The following RBFOX1 variants were observed in gnomAD, a reference collection of about 807,000 sequenced individuals.
RBFOX1 encodes the protein RNA binding protein fox-1 homolog 1.
In RBFOX1, 8 loss-of-function variants were observed where a neutral mutation model predicts 57.7. That is an observed-to-expected ratio of 0.14 (90% confidence interval 0.08 to 0.25). The LOEUF is 0.25. RBFOX1 is among the 10% of genes least tolerant of loss of function. The pLI is 1.00. For synonymous variants in RBFOX1, 326 were observed against 222.4 expected, an observed-to-expected ratio of 1.47 and a Z score of -4.15; for missense variants, 611 against 548.5, an observed-to-expected ratio of 1.11 and a Z score of -1.14.
chr16:5,246,814 G>T (rs557359471), intron 1 of RBFOX1, among the ~76,000 whole-genome samples: 1 of 152,074 alleles, frequency 6.6e-6, no homozygotes, highest in African/African-American at 2.4e-5. Flanking sequence ...GGGAGTACAG[G>T]CATGCACCAC....
chr16:6,903,591 C>G (rs1388899233), intron 3 of RBFOX1, among the ~76,000 whole-genome samples: 2 of 152,164 alleles, frequency 1.3e-5, no homozygotes, highest in Non-Finnish European at 2.9e-5. Context: ...ATCCCAGAAA[C>G]TGGTGGGGAG....
chr16:6,596,277 G>C (rs1178296945), intron 2 of RBFOX1, among the ~76,000 whole-genome samples: 1 of 152,102 alleles, frequency 6.6e-6, no homozygotes, highest in Non-Finnish European at 1.5e-5. Context: ...TTCATTTTGA[G>C]TTAAATTTTG....
intron 2 of RBFOX1, among the ~76,000 whole-genome samples, chr16:6,514,889 G>A (rs1490196564): frequency 6.6e-6 from 1 of 152,072 alleles, no homozygotes; most frequent in Admixed American, 6.6e-5. Context: ...GGAGGAAGGG[G>A]AGGAGGAGAA....
At position 7,538,927 on chromosome 16, in the gene RBFOX1, A is replaced by G. The variant is rs147419595; in HGVS notation, c.270+20538A>G. Among the ~76,000 whole-genome samples, 163 of 150,388 alleles carry G rather than the reference A, an allele frequency of 1.1e-3. 1 individual carries two copies. The highest frequency in any genetic ancestry group is 3.9e-3 in the African/African-American group (158 of 40,740). ...CTCACAGCATGGAGTTCTATGGTCA[A>G]TGAGACTTTCATATGGGCATCATCT... On this transcript the variant is annotated intron_variant, in intron 5 of 15. Transcript: ENST00000550418.
intron 1 of RBFOX1, among the ~76,000 whole-genome samples, chr16:6,116,181 A>G (rs2096494119): frequency 6.6e-6 from 1 of 151,808 alleles, no homozygotes; most frequent in South Asian, 2.1e-4. Context: ...AGAAAACCGA[A>G]CACCGTATGT....
At chr16:5,280,065 C>A (rs998996232) in intron 1 of RBFOX1, among the ~76,000 whole-genome samples, 1 of 152,138 alleles carries the variant, frequency 6.6e-6, no homozygotes, top group African/African-American at 2.4e-5. Flanking sequence ...AGGATGTTAG[C>A]TGTAGATTTG....
chr16:7,101,187 C>G (rs2062628702), intron 4 of RBFOX1, among the ~76,000 whole-genome samples: 1 of 152,188 alleles, frequency 6.6e-6, no homozygotes, highest in Non-Finnish European at 1.5e-5. Context: ...GCAGGCAGAG[C>G]TGGCCTATGC....
chr16:6,791,852 C>G (rs956847457), intron 3 of RBFOX1, among the ~76,000 whole-genome samples: 10 of 152,116 alleles, frequency 6.6e-5, no homozygotes, highest in African/African-American at 2.4e-4. Flanking sequence ...TGGTTCAATA[C>G]TTTTATATAT....
chr16:5,911,615 G>A (rs868254822), intron 4 of RBFOX1, among the ~76,000 whole-genome samples: 2 of 152,156 alleles, frequency 1.3e-5, no homozygotes, highest in African/African-American at 4.8e-5. Flanking sequence ...GTTTTACTCT[G>A]TTTGGGCTGA....
At chr16:5,450,354 G>A (rs531198751) in intron 1 of RBFOX1, among the ~76,000 whole-genome samples, 1 of 152,286 alleles carries the variant, frequency 6.6e-6, no homozygotes, top group South Asian at 2.1e-4. Context: ...AAGAGTGATC[G>A]ATTGGCTGCA....
chr16:6,999,403 T>G (rs2092591130), intron 3 of RBFOX1, among the ~76,000 whole-genome samples: 1 of 151,256 alleles, frequency 6.6e-6, no homozygotes, highest in South Asian at 2.1e-4. Flanking sequence ...CAGAGTGATT[T>G]GGTGATACTT....
At position 7,029,107 on chromosome 16, in the gene RBFOX1, C is replaced by CACAT. The variant is rs1555788320; in HGVS notation, c.-15-22947_-15-22946insTACA. On this transcript the variant is annotated intron_variant, in intron 3 of 15. Coordinates refer to ENST00000550418, the MANE Select transcript of RBFOX1 (RefSeq NM_018723.4). ...ACACACACACACACACACACACACACACACACACACACACATATACGTATA... is the reference window on the plus strand; with the variant it reads ...ACACACACACACACACACACACACACACATACACACACACACACATATACGTATA... Among the ~76,000 whole-genome samples, 36 of 70,568 alleles carry CACAT rather than the reference C, an allele frequency of 5.1e-4. 1 individual carries two copies. The highest frequency in any genetic ancestry group is 8.3e-3 in the Middle Eastern group (1 of 120). The allele number at this position is 70,568 out of a possible 152,430, so 46.3% of individuals were successfully genotyped here. A position where few individuals can be genotyped will look rare whatever the true frequency, so the allele number is the denominator to read the frequency against.
chr16:6,492,738 G>A (rs1057435124), intron 2 of RBFOX1, among the ~76,000 whole-genome samples: 3 of 152,202 alleles, frequency 2.0e-5, no homozygotes. Context: ...CCTAAGTAGG[G>A]TGATTGGAGG....
chr16:7,488,836 T>A (rs1334068410), intron 4 of RBFOX1, among the ~76,000 whole-genome samples: 2 of 152,184 alleles, frequency 1.3e-5, no homozygotes, highest in Non-Finnish European at 2.9e-5. Flanking sequence ...CTATACATTC[T>A]CACATCCATT....
chr16:6,606,194 A>G (rs978143367), intron 2 of RBFOX1, among the ~76,000 whole-genome samples: 3 of 152,184 alleles, frequency 2.0e-5, no homozygotes, highest in Admixed American at 2.0e-4. Flanking sequence ...ATAGGCAGAG[A>G]CTTGGACAGG....
intron 3 of RBFOX1, among the ~76,000 whole-genome samples, chr16:6,770,792 T>G (rs1007298285): frequency 1.3e-5 from 2 of 152,146 alleles, no homozygotes; most frequent in African/African-American, 4.8e-5. Flanking sequence ...AGGAAGTTAC[T>G]CTTTATATGA....
intron 2 of RBFOX1, among the ~76,000 whole-genome samples, chr16:5,498,896 C>A (rs1202057384): frequency 3.9e-5 from 6 of 152,336 alleles, no homozygotes; most frequent in African/African-American, 1.4e-4. Context: ...CATCGTGGGT[C>A]TGCAGGTCCA....
chr16:7,013,950 G>A (rs1041296200), intron 3 of RBFOX1, among the ~76,000 whole-genome samples: 3 of 152,096 alleles, frequency 2.0e-5, no homozygotes, highest in African/African-American at 7.2e-5. Flanking sequence ...GAGCCACGGC[G>A]CTTGGCTAAA....
At chr16:7,583,837 A>C (rs911781943) in intron 6 of RBFOX1, among the ~76,000 whole-genome samples, 6 of 152,116 alleles carry the variant, frequency 3.9e-5, no homozygotes, top group African/African-American at 2.4e-5. Context: ...ATCAAAAAAA[A>C]CCACACCAAA....
Sources: allele counts gnomAD v4.1 joint callset (sites outside exome capture counted in the v4.1 genomes callset), GRCh38; gene constraint gnomAD v4.1.1; transcripts MANE v1.5; gene names NCBI Gene and HGNC (gene_info 2026-07-23, HGNC 2026-07-21).